PLEKHH2: variants seen among roughly 807,000 people sequenced by gnomAD.
PLEKHH2 encodes pleckstrin homology, MyTH4 and FERM domain containing H2, also known as pleckstrin homology domain-containing family H member 2.
PLEKHH2 carries 129 observed loss-of-function variants against 187.9 expected under a neutral mutation model. The observed-to-expected ratio is 0.69, with a 90% CI of 0.59 to 0.79. PLEKHH2 has a LOEUF of 0.79. PLEKHH2 is among the 30% of genes least tolerant of loss of function. PLEKHH2 has a pLI of 0.00. For synonymous variants in PLEKHH2, 686 were observed against 605.6 expected, an observed-to-expected ratio of 1.13 and a Z score of -1.95; for missense variants, 2,076 against 1,751.2, an observed-to-expected ratio of 1.19 and a Z score of -3.31.
At chr2:43,639,571 C>G (rs1290763194) in intron 1 of PLEKHH2, among the ~76,000 whole-genome samples, 1 of 151,754 alleles carries the variant, frequency 6.6e-6, no homozygotes, top group South Asian at 2.1e-4. Context: ...GTTTTCAAGG[C>G]TCTTCCATGA....
At chr2:43,705,800 G>T (rs1669629062) in intron 9 of PLEKHH2, among the ~76,000 whole-genome samples, 1 of 151,842 alleles carries the variant, frequency 6.6e-6, no homozygotes, top group Non-Finnish European at 1.5e-5. Flanking sequence ...GTAGAGAAAG[G>T]GTTTTGCCAT....
chr2:43,718,371 C>T (rs924906177), intron 15 of PLEKHH2, among the ~76,000 whole-genome samples: 1 of 152,028 alleles, frequency 6.6e-6, no homozygotes, highest in Non-Finnish European at 1.5e-5. Flanking sequence ...AACCCTGTCT[C>T]TACTAAAAAT....
intron 2 of PLEKHH2, among the ~76,000 whole-genome samples, chr2:43,667,335 G>C (rs569070883): frequency 1.3e-5 from 2 of 152,144 alleles, no homozygotes; most frequent in Non-Finnish European, 2.9e-5. Flanking sequence ...ATACATTGCT[G>C]GTGGAAATGT....
At chr2:43,718,290 A>T (rs1164153269) in intron 15 of PLEKHH2, among the ~76,000 whole-genome samples, 1 of 152,196 alleles carries the variant, frequency 6.6e-6, no homozygotes, top group Admixed American at 6.5e-5. Context: ...TGGTAATCCC[A>T]GCACTTTGGG....
At chr2:43,746,753 G>A (rs941066571) in intron 24 of PLEKHH2, among the ~76,000 whole-genome samples, 2 of 151,838 alleles carry the variant, frequency 1.3e-5, no homozygotes, top group Non-Finnish European at 2.9e-5. Context: ...GGTGGATCAC[G>A]AGGTCAGGAG....
At chr2:43,679,643 G>A (rs924572140) in intron 3 of PLEKHH2, 11 of 258,392 alleles carry the variant, frequency 4.3e-5, no homozygotes, top group East Asian at 1.5e-4. Flanking sequence ...TTACAGGTGC[G>A]CACCACCATA....
intron 3 of PLEKHH2, among the ~76,000 whole-genome samples, chr2:43,682,844 G>C (rs1668274067): frequency 6.6e-6 from 1 of 151,916 alleles, no homozygotes; most frequent in Middle Eastern, 3.4e-3. Context: ...TTAGTGTCTG[G>C]CTTCTTTCAT....
At chr2:43,713,177 G>A (rs573453852) in intron 15 of PLEKHH2, among the ~76,000 whole-genome samples, 1 of 151,970 alleles carries the variant, frequency 6.6e-6, no homozygotes, top group African/African-American at 2.4e-5. Context: ...TTAGGAAGTG[G>A]TCTTAATTTG....
chr2:43,726,363 G>A lies in PLEKHH2; in HGVS notation c.2633G>A (p.Arg878Gln), dbSNP rs770358671. The change falls in exon 17 of 30, where the codon CGA becomes CAA. Residue 878 changes from arginine (R) to glutamine (Q), a missense_variant. Coordinates refer to ENST00000282406, the MANE Select transcript of PLEKHH2 (RefSeq NM_172069.4). ...DSDEDYEASG[R>Q]SLLSTHYTIV... ...GATGAAGATTATGAAGCCAGTGGAC[G>A]AAGTCTGTTATCCACACATTATACT... 2.2e-5 allele frequency: 35 copies of A among 1,610,406 alleles called. No individual in the cohort carries two copies. In the Admixed American group the frequency reaches 2.7e-4, roughly 12 times the overall value.
rs1371974317 is a variant in PLEKHH2, at chr2:43,700,595, G to A, written c.1637G>A (p.Arg546His). 13 of 1,606,590 alleles carry A rather than the reference G, an allele frequency of 8.1e-6. No homozygotes were observed. Among genetic ancestry groups the A allele is most frequent in the South Asian group, 4.4e-5 (4 of 90,820 alleles). ...YSKPPTPPLH[R>H]FPSWESRIYA... ...AAACCTCCAACTCCTCCCCTGCACC[G>A]TTTTCCTTCTTGGGTAATTATATCA... Residue 546 changes from arginine (R) to histidine (H), a missense_variant, in exon 8 of 30, where the codon CGT becomes CAT. By Grantham distance (29) the Arg-to-His change is conservative. Transcript: ENST00000282406.
Position 43,700,468 on chromosome 2 carries a change from G to C in PLEKHH2, c.1510G>C (p.Asp504His). Residue 504 changes from aspartate (D) to histidine (H), a missense_variant, in exon 8 of 30, where the codon GAC becomes CAC. Coordinates refer to ENST00000282406, the MANE Select transcript of PLEKHH2 (RefSeq NM_172069.4). ...CAGTACAGAAGTTTTAGAGAATATG[G>C]ACACGAGTTGTGATGATGGATTATT... ...GDSTEVLENMDTSCDDGLFSY... is the reference protein window; with the variant it reads ...GDSTEVLENMHTSCDDGLFSY... 1 of 1,614,034 alleles carries C rather than the reference G, an allele frequency of 6.2e-7. No homozygotes were observed. Among genetic ancestry groups the C allele is most frequent in the Non-Finnish European group, 8.5e-7 (1 of 1,180,008 alleles).
chr2:43,712,602 A>AAATTCTTGACCAG (rs1195278612), intron 15 of PLEKHH2, among the ~76,000 whole-genome samples: 1 of 152,272 alleles, frequency 6.6e-6, no homozygotes, highest in Non-Finnish European at 1.5e-5. Flanking sequence ...GCTCTATTAA[A>AAATTCTTGACCAG]AATTCTACGA....
chr2:43,644,917 T>A, intron 2 of PLEKHH2, 121 bp downstream of exon 2: 1 of 1,114,678 alleles, frequency 9.0e-7, no homozygotes, highest in Non-Finnish European at 1.2e-6. Context: ...TTTGAAGCTA[T>A]ATTTGGCATA....
At chr2:43,639,685 C>CT (rs371344420) in intron 1 of PLEKHH2, among the ~76,000 whole-genome samples, 1,622 of 124,464 alleles carry the variant, frequency 0.013, 38 homozygotes, top group African/African-American at 0.049. Context: ...GAGACAGAGT[C>CT]TCACTCTGTC....
At chr2:43,709,085 C>T (rs1669816131) in intron 11 of PLEKHH2, among the ~76,000 whole-genome samples, 1 of 152,188 alleles carries the variant, frequency 6.6e-6, no homozygotes, top group Admixed American at 6.5e-5. Flanking sequence ...TGGCTTGCAA[C>T]TCCCAGGTAG....
intron 24 of PLEKHH2, among the ~76,000 whole-genome samples, chr2:43,747,974 A>G (rs1671846540): frequency 6.6e-6 from 1 of 152,186 alleles, no homozygotes; most frequent in African/African-American, 2.4e-5. Flanking sequence ...CTTCCTTGTC[A>G]TGTTTTTGTC....
intron 4 of PLEKHH2, 116 bp downstream of exon 4, chr2:43,692,779 G>T (rs1343208551): frequency 9.5e-6 from 11 of 1,155,686 alleles, no homozygotes; most frequent in Non-Finnish European, 1.4e-5. Context: ...TGCTTATTCG[G>T]TCAACCCATA....
chr2:43,733,833 T>C (rs558774227), intron 19 of PLEKHH2, among the ~76,000 whole-genome samples: 1 of 152,284 alleles, frequency 6.6e-6, no homozygotes, highest in East Asian at 1.9e-4. Context: ...TTTTAAAATT[T>C]CTATAATGGA....
intron 24 of PLEKHH2, among the ~76,000 whole-genome samples, chr2:43,748,249 T>A (rs556576066): frequency 6.6e-6 from 1 of 152,314 alleles, no homozygotes; most frequent in South Asian, 2.1e-4. Flanking sequence ...TGACTATTAA[T>A]CTTTGGTGTC....
Sources: allele counts gnomAD v4.1 joint callset (sites outside exome capture counted in the v4.1 genomes callset), GRCh38; gene constraint gnomAD v4.1.1; transcripts MANE v1.5; gene names NCBI Gene and HGNC (gene_info 2026-07-23, HGNC 2026-07-21).